Variants in UAP1L1 observed in about 807,000 individuals in gnomAD.
UAP1L1 encodes the protein UDP-N-acetylglucosamine pyrophosphorylase 1 like 1.
A neutral mutation model predicts 45.3 loss-of-function variants in UAP1L1; 45 were observed. The observed-to-expected ratio is 0.99, with a 90% CI of 0.78 to 1.27. UAP1L1 has a LOEUF of 1.27. UAP1L1 is among the 50% of genes most tolerant of loss of function. UAP1L1 has a pLI of 0.00. For missense variants in UAP1L1, 667 were observed against 694.0 expected, an observed-to-expected ratio of 0.96 and a Z score of 0.44; for synonymous variants, 323 against 303.9, an observed-to-expected ratio of 1.06 and a Z score of -0.65.
In UAP1L1 at chr9:137,078,763, T is replaced by A. The variant is rs115890694; in HGVS notation, c.670+86T>A. The A allele has an allele frequency of 6.1e-3, 8,958 of 1,473,834 alleles. 367 individuals carry two copies. In the African/African-American group the frequency reaches 0.096, roughly 16 times the overall value. 91.3% of individuals were successfully genotyped at this position (1,473,834 alleles called of 1,614,324 possible). ...GGGTCCACGCGCCCGGGTTCGCGGCTGCCCCGAGGCTGTGTGGTCCTGGGT... is the reference window on the plus strand; with the variant it reads ...GGGTCCACGCGCCCGGGTTCGCGGCAGCCCCGAGGCTGTGTGGTCCTGGGT... On this transcript the variant is annotated intron_variant, in intron 3 of 8. Transcript: ENST00000409858.
Position 137,077,982 on chromosome 9 carries a change from G to C in UAP1L1, c.290-68G>C. 6.5e-7 allele frequency: 1 copy of C among 1,535,558 alleles called. No homozygotes were observed. The highest frequency in any genetic ancestry group is 8.7e-7 in the Non-Finnish European group (1 of 1,146,220). The stretch of plus-strand genomic sequence containing the variant: ...CGAGTCCTGGCGCCCCAGCCCCAGA[G>C]TTGGTTTCCCCTAAAGCGGAAGGGT... On this transcript the variant is annotated intron_variant, in intron 1 of 8. Coordinates refer to ENST00000409858, the MANE Select transcript of UAP1L1 (RefSeq NM_207309.3). This position sits in a 1 kb window ranked among gnomAD's most constrained non-coding sequence, Gnocchi z 4.7.
At chr9:137,080,991 C>T (rs964447554) in intron 7 of UAP1L1, 117 bp downstream of exon 7, 82 of 1,065,446 alleles carry the variant, frequency 7.7e-5, no homozygotes, top group Non-Finnish European at 1.0e-4. Flanking sequence ...TCTTCCTTCC[C>T]GGCACCACCG....
At position 137,080,745 on chromosome 9, in the gene UAP1L1, C is replaced by T. The variant is rs554345112; in HGVS notation, c.1235C>T (p.Ala412Val). 12 of 1,612,722 alleles carry T rather than the reference C, an allele frequency of 7.4e-6. 1 individual carries two copies. The highest frequency in any genetic ancestry group is 1.6e-4 in the Middle Eastern group (1 of 6,082). The change falls in exon 7 of 9, where the codon GCA (alanine) becomes GTA (valine). Residue 412 changes from alanine to valine, a missense_variant. By Grantham distance (64) the Ala-to-Val change is moderately conservative. Coordinates refer to ENST00000409858, the MANE Select transcript of UAP1L1 (RefSeq NM_207309.3). The stretch of plus-strand genomic sequence containing the variant: ...GAGGAATTTTCCCCACTGAAGAACG[C>T]AGAGCCAGCCGACAGGGACAGTCCC... ...REEEFSPLKN[A>V]EPADRDSPRT...
At chr9:137,080,309 C>T in intron 6 of UAP1L1, 167 bp downstream of exon 6, 3 of 835,628 alleles carry the variant, frequency 3.6e-6, no homozygotes, top group South Asian at 1.7e-5. Flanking sequence ...GGGTAAGCAG[C>T]CCCTGAGGTG....
Position 137,077,991 on chromosome 9 carries a change from C to T in UAP1L1, c.290-59C>T. 6.5e-7 allele frequency: 1 copy of T among 1,537,906 alleles called. No homozygotes were observed. Among genetic ancestry groups the T allele is most frequent in the Non-Finnish European group, 8.7e-7 (1 of 1,146,612 alleles). On this transcript the variant is annotated intron_variant, in intron 1 of 8. Transcript: ENST00000409858. The surrounding 1 kb of genome is among the most constrained non-coding windows in gnomAD (Gnocchi z 4.7). ...GCGCCCCAGCCCCAGAGTTGGTTTCCCCTAAAGCGGAAGGGTGGGCGGGTC... is the reference window on the plus strand; with the variant it reads ...GCGCCCCAGCCCCAGAGTTGGTTTCTCCTAAAGCGGAAGGGTGGGCGGGTC...
rs1354558295 is a variant in UAP1L1, at chr9:137,079,760, G to A, written c.1038-242G>A. The A allele has an allele frequency of 6.1e-5, 37 of 608,020 alleles. No individual in the cohort carries two copies. In the South Asian group the frequency reaches 7.5e-4, roughly 12 times the overall value. The allele number at this position is 608,020 out of a possible 1,614,324, so 37.7% of individuals were successfully genotyped here. On this transcript the variant is annotated intron_variant, in intron 5 of 8. Coordinates refer to ENST00000409858, the MANE Select transcript of UAP1L1 (RefSeq NM_207309.3). ...GCTACCTCTGCTCTGGGGCTTGCCAGTTTGTTTGCCTGGGCAGGGATGTGG... is the reference window on the plus strand; with the variant it reads ...GCTACCTCTGCTCTGGGGCTTGCCAATTTGTTTGCCTGGGCAGGGATGTGG...
At position 137,082,857 on chromosome 9, in the gene UAP1L1, G is replaced by C. The variant is rs1275006397; in HGVS notation, c.*128G>C. On this transcript the variant is annotated 3_prime_UTR_variant, in exon 9 of 9. Coordinates refer to ENST00000409858, the MANE Select transcript of UAP1L1 (RefSeq NM_207309.3). This position sits in a 1 kb window ranked among gnomAD's most constrained non-coding sequence, Gnocchi z 5.7. The stretch of plus-strand genomic sequence containing the variant: ...GGGCTACAGCCCAGCCTGAGCTCTG[G>C]GTGGGAAAGCAGCCTGCCCCATGCT... 2.8e-6 allele frequency: 2 copies of C among 718,962 alleles called. No homozygotes were observed. The highest frequency in any genetic ancestry group is 4.6e-6 in the Non-Finnish European group (2 of 430,838). The allele number at this position is 718,962 out of a possible 1,614,324, so 44.5% of individuals were successfully genotyped here. A position where few individuals can be genotyped will look rare whatever the true frequency, so the allele number is the denominator to read the frequency against.
chr9:137,078,490 C>G lies in UAP1L1; in HGVS notation c.495-12C>G. On this transcript the variant is annotated splice_polypyrimidine_tract_variant and intron_variant, in intron 2 of 8. Transcript: ENST00000409858. ...GCGTACTCGCGGCCGGCTCACCGCGCCTCCCTTGCAGGTACGTCATGACCA... is the reference window on the plus strand; with the variant it reads ...GCGTACTCGCGGCCGGCTCACCGCGGCTCCCTTGCAGGTACGTCATGACCA... 1 of 1,612,914 alleles carries G rather than the reference C, an allele frequency of 6.2e-7. No individual in the cohort carries two copies.
chr9:137,077,820 A>C lies in UAP1L1; in HGVS notation c.288A>C (p.Glu96Asp). The change falls in exon 1 of 9, where the codon GAA becomes GAC. Residue 96 changes from glutamate (E) to aspartate (D), a missense_variant and splice_region_variant. Transcript: ENST00000409858. The surrounding 1 kb of genome is among the most constrained non-coding windows in gnomAD (Gnocchi z 4.7). ...DPETRRRWEE[E>D]GFRQISLNKV... ...AGACACGGCGGCGCTGGGAGGAGGA[A>C]GGTAAGCGGGGTGGGAGGCCCTGGG... 42 of 1,372,432 alleles carry C rather than the reference A, an allele frequency of 3.1e-5. No individual in the cohort carries two copies. Among genetic ancestry groups the C allele is most frequent in the East Asian group, 5.9e-5 (2 of 33,716 alleles). 85.0% of individuals were successfully genotyped at this position (1,372,432 alleles called of 1,614,324 possible). A position where few individuals can be genotyped will look rare whatever the true frequency, so the allele number is the denominator to read the frequency against.
Position 137,080,773 on chromosome 9 carries a change from C to A in UAP1L1, c.1263C>A (p.Arg421=). Residue 421 remains arginine, a synonymous_variant, in exon 7 of 9, where the codon CGC becomes CGA. Transcript: ENST00000409858. ...AGCCAGCCGACAGGGACAGTCCCCG[C>A]ACCGCTCGCCAGGCCCTGCTCACCC... The part of the protein sequence containing the change: ...NAEPADRDSP[R]TARQALLTQH... The A allele has an allele frequency of 3.7e-6, 6 of 1,612,780 alleles. No homozygotes were observed. Among genetic ancestry groups the A allele is most frequent in the Non-Finnish European group, 5.1e-6 (6 of 1,179,962 alleles).
At position 137,080,078 on chromosome 9, in the gene UAP1L1, A is replaced by G. The variant is rs150769072; in HGVS notation, c.1114A>G (p.Lys372Glu). The change falls in exon 6 of 9, where the codon AAG (lysine) becomes GAG (glutamate). Residue 372 changes from lysine (K) to glutamate (E), a missense_variant. Transcript: ENST00000409858. Reference protein sequence around the residue: ...PYVDEEGNLVKPLKPNGIKME... With the variant: ...PYVDEEGNLVEPLKPNGIKME... ...TGTGGATGAGGAGGGGAATCTGGTA[A>G]AGCCGCTAAAACCGAACGGGATAAA... The G allele has an allele frequency of 1.3e-5, 21 of 1,614,080 alleles. No homozygotes were observed. The highest frequency in any genetic ancestry group is 1.7e-5 in the Non-Finnish European group (20 of 1,180,016).
chr9:137,077,791 C>A lies in UAP1L1; in HGVS notation c.259C>A (p.Pro87Thr). 1.4e-6 allele frequency: 2 copies of A among 1,382,816 alleles called. No homozygotes were observed. Among genetic ancestry groups the A allele is most frequent in the Non-Finnish European group, 9.3e-7 (1 of 1,073,158 alleles). The allele number at this position is 1,382,816 out of a possible 1,614,324, so 85.7% of individuals were successfully genotyped here. ...ERVGRASRSD[P>T]ETRRRWEEEG... The stretch of plus-strand genomic sequence containing the variant: ...CGTGGGCAGGGCCAGCCGCAGCGAC[C>A]CCGAGACACGGCGGCGCTGGGAGGA... Residue 87 changes from proline (P) to threonine (T), a missense_variant, in exon 1 of 9, where the codon CCC (proline) becomes ACC (threonine). Physicochemically the swap from Pro to Thr is conservative, Grantham distance 38. Transcript: ENST00000409858. This position sits in a 1 kb window ranked among gnomAD's most constrained non-coding sequence, Gnocchi z 4.7.
chr9:137,078,704 G>A (rs1408004505), intron 3 of UAP1L1, 27 bp downstream of exon 3: 10 of 1,596,458 alleles, frequency 6.3e-6, no homozygotes, highest in Non-Finnish European at 7.7e-6. Context: ...AGACGGGGAG[G>A]GACCGCCCAG....
Position 137,077,823 on chromosome 9 carries a change from TA to T in UAP1L1, c.289+4del, listed in dbSNP as rs1832716376. The T allele has an allele frequency of 7.5e-7, 1 of 1,341,274 alleles. No homozygotes were observed. 83.1% of individuals were successfully genotyped at this position (1,341,274 alleles called of 1,614,324 possible). A position where few individuals can be genotyped will look rare whatever the true frequency, so the allele number is the denominator to read the frequency against. Reference sequence around the variant, plus strand: ...CACGGCGGCGCTGGGAGGAGGAAGGTAAGCGGGGTGGGAGGCCCTGGGGGCC... The same window carrying T: ...CACGGCGGCGCTGGGAGGAGGAAGGTAGCGGGGTGGGAGGCCCTGGGGGCC... On this transcript the variant is annotated splice_donor_region_variant and intron_variant, in intron 1 of 8. Transcript: ENST00000409858. The surrounding 1 kb of genome is among the most constrained non-coding windows in gnomAD (Gnocchi z 4.7).
chr9:137,077,557 G>C lies in UAP1L1; in HGVS notation c.25G>C (p.Ala9Pro). ...CATGGCTTCGGAGCAGGACGTGCGC[G>C]CCCGGCTGCAGCGCGCTGGCCAGGA... is the stretch of plus-strand genomic sequence containing the variant. The part of the protein sequence containing the change: MASEQDVR[A>P]RLQRAGQEHL... Residue 9 changes from alanine (A) to proline (P), a missense_variant, in exon 1 of 9, where the codon GCC (alanine) becomes CCC (proline). Ala to Pro is a conservative substitution (Grantham distance 27, BLOSUM62 -1). Coordinates refer to ENST00000409858, the MANE Select transcript of UAP1L1 (RefSeq NM_207309.3). The surrounding 1 kb of genome is among the most constrained non-coding windows in gnomAD (Gnocchi z 4.7). 2 of 1,393,356 alleles carry C rather than the reference G, an allele frequency of 1.4e-6. No individual in the cohort carries two copies. Among genetic ancestry groups the C allele is most frequent in the Non-Finnish European group, 1.9e-6 (2 of 1,066,736 alleles). The allele number at this position is 1,393,356 out of a possible 1,614,324, so 86.3% of individuals were successfully genotyped here. A position where few individuals can be genotyped will look rare whatever the true frequency, so the allele number is the denominator to read the frequency against.
chr9:137,082,229 G>A lies in UAP1L1; in HGVS notation c.1431+165G>A. On this transcript the variant is annotated intron_variant, in intron 8 of 8. Coordinates refer to ENST00000409858, the MANE Select transcript of UAP1L1 (RefSeq NM_207309.3). The surrounding 1 kb of genome is among the most constrained non-coding windows in gnomAD (Gnocchi z 5.7). Reference sequence around the variant, plus strand: ...GACTTTCCAAGATATGGGTTGGGGTGGGGTGAGGCATCCAGAGGCCTTTGC... The same window carrying A: ...GACTTTCCAAGATATGGGTTGGGGTAGGGTGAGGCATCCAGAGGCCTTTGC... 5 of 708,978 alleles carry A rather than the reference G, an allele frequency of 7.1e-6. No homozygotes were observed. Among genetic ancestry groups the A allele is most frequent in the Non-Finnish European group, 1.2e-5 (5 of 407,700 alleles). 43.9% of individuals were successfully genotyped at this position (708,978 alleles called of 1,614,324 possible).
rs1447833376 is a variant in UAP1L1 at position 137,079,732 on chromosome 9, G to T, written c.1038-270G>T. On this transcript the variant is annotated intron_variant, in intron 5 of 8. Transcript: ENST00000409858. ...TCTGGGGACCTGCCCTGGTGCCCAG[G>T]GTGCTACCTCTGCTCTGGGGCTTGC... 2.5e-5 allele frequency: 15 copies of T among 588,496 alleles called. No individual in the cohort carries two copies. The East Asian group carries it at 4.3e-4, about 17-fold the overall frequency. The allele number at this position is 588,496 out of a possible 1,614,324, so 36.5% of individuals were successfully genotyped here. A position where few individuals can be genotyped will look rare whatever the true frequency, so the allele number is the denominator to read the frequency against.
Position 137,077,980 on chromosome 9 carries a change from G to C in UAP1L1, c.290-70G>C, listed in dbSNP as rs562304802. The C allele has an allele frequency of 6.1e-5, 93 of 1,535,044 alleles. No homozygotes were observed. In the South Asian group the frequency reaches 1.1e-3, roughly 18 times the overall value. ...CCCGAGTCCTGGCGCCCCAGCCCCA[G>C]AGTTGGTTTCCCCTAAAGCGGAAGG... is the stretch of plus-strand genomic sequence containing the variant. On this transcript the variant is annotated intron_variant, in intron 1 of 8. Coordinates refer to ENST00000409858, the MANE Select transcript of UAP1L1 (RefSeq NM_207309.3). This position sits in a 1 kb window ranked among gnomAD's most constrained non-coding sequence, Gnocchi z 4.7.
At position 137,082,083 on chromosome 9, in the gene UAP1L1, T is replaced by C; in HGVS notation, c.1431+19T>C. 6.2e-7 allele frequency: 1 copy of C among 1,613,076 alleles called. No homozygotes were observed. On this transcript the variant is annotated intron_variant, in intron 8 of 8. Transcript: ENST00000409858. This position sits in a 1 kb window ranked among gnomAD's most constrained non-coding sequence, Gnocchi z 5.7. ...TGGAGAGGTGAGAGCTGCCCATCCC[T>C]ATCTGGGGCTTTTCTGGTGTCAGGT... is the stretch of plus-strand genomic sequence containing the variant.
Sources: allele counts gnomAD v4.1 joint callset, GRCh38; gene constraint gnomAD v4.1.1; non-coding constraint Gnocchi (gnomAD v3.1); transcripts MANE v1.5; gene names NCBI Gene and HGNC (gene_info 2026-07-23, HGNC 2026-07-21).